The following MAST4 variants were observed in gnomAD, a reference collection of about 807,000 sequenced individuals.
MAST4 encodes microtubule-associated serine/threonine-protein kinase 4.
Under a neutral mutation model 162.7 loss-of-function variants are expected in MAST4, and 89 were observed. The ratio of observed to expected loss-of-function variants is 0.55; its 90% CI spans 0.46 to 0.65. The LOEUF (loss-of-function observed/expected upper bound fraction) is 0.65. Ranked by LOEUF, MAST4 falls within the 30% of genes least tolerant of loss-of-function variation. The pLI, the probability that MAST4 is intolerant of heterozygous loss-of-function variation, is 0.00. For missense variants in MAST4, 3,153 were observed against 3,374.0 expected (o/e 0.93, Z 1.62); for synonymous variants, 1,479 against 1,361.1 (o/e 1.09, Z -1.91).
At chr5:66,895,351 G>A (rs1186661312) in intron 3 of MAST4, among the ~76,000 whole-genome samples, 5 of 152,020 alleles carry the variant, frequency 3.3e-5, no homozygotes, top group Non-Finnish European at 7.4e-5. Flanking sequence ...CTTATCTCCT[G>A]TAAAGTCCCA....
chr5:66,599,358 G>C (rs1047388990), intron 1 of MAST4, among the ~76,000 whole-genome samples: 2 of 152,158 alleles, frequency 1.3e-5, no homozygotes, highest in African/African-American at 2.4e-5. Context: ...GGAATGCTGG[G>C]TGATAAACAC....
chr5:66,727,864 G>A lies in MAST4; in HGVS notation c.364-31845G>A, dbSNP rs11746510. On this transcript the variant is annotated intron_variant, in intron 1 of 28. Coordinates refer to ENST00000403625, the MANE Select transcript of MAST4 (RefSeq NM_001164664.2). ...CTACTTGGTGTTGCCTGTGGTCATG[G>A]GTCACTGTCAACTCCTTGTGACTCA... Among the ~76,000 whole-genome samples, 674 of 152,154 alleles carry A rather than the reference G, an allele frequency of 4.4e-3. 4 individuals carry two copies. Among genetic ancestry groups the A allele is most frequent in the Non-Finnish European group, 7.1e-3 (480 of 68,000 alleles).
chr5:67,079,973 G>T (rs932930677), intron 5 of MAST4, among the ~76,000 whole-genome samples: 1 of 152,196 alleles, frequency 6.6e-6, no homozygotes, highest in African/African-American at 2.4e-5. Context: ...GGGAAAAGTG[G>T]CAGTACTTTA....
chr5:66,811,904 A>G (rs1365963040), intron 3 of MAST4, among the ~76,000 whole-genome samples: 1 of 152,228 alleles, frequency 6.6e-6, no homozygotes, highest in Non-Finnish European at 1.5e-5. Context: ...GACTTTAGGA[A>G]TCAATACTGG....
intron 4 of MAST4, among the ~76,000 whole-genome samples, chr5:66,938,796 G>A (rs1279308037): frequency 6.6e-6 from 1 of 152,162 alleles, no homozygotes; most frequent in Non-Finnish European, 1.5e-5. Context: ...AAATGGTACA[G>A]TGATTTGTGG....
At chr5:67,005,115 G>A (rs766507931) in intron 4 of MAST4, 18 of 733,448 alleles carry the variant, frequency 2.5e-5, no homozygotes, top group East Asian at 5.1e-5. Flanking sequence ...TGCCTGGAGA[G>A]GGAATGCTTT....
chr5:66,664,609 A>G (rs1747131046), intron 1 of MAST4, among the ~76,000 whole-genome samples: 1 of 150,806 alleles, frequency 6.6e-6, no homozygotes, highest in Non-Finnish European at 1.5e-5. Context: ...TTATTAGCAT[A>G]AAGAAGTTAT....
intron 1 of MAST4, among the ~76,000 whole-genome samples, chr5:66,733,494 G>T (rs1269890871): frequency 2.6e-5 from 4 of 152,134 alleles, no homozygotes; most frequent in African/African-American, 9.7e-5. Context: ...TTAAGCGAGT[G>T]AGTCACCCAG....
At chr5:66,960,993 G>T (rs1745944794) in intron 4 of MAST4, among the ~76,000 whole-genome samples, 1 of 152,150 alleles carries the variant, frequency 6.6e-6, no homozygotes, top group Non-Finnish European at 1.5e-5. Flanking sequence ...AAATATTACT[G>T]TGCATTTAAA....
chr5:66,669,893 A>G (rs1285061718), intron 1 of MAST4, among the ~76,000 whole-genome samples: 1 of 152,218 alleles, frequency 6.6e-6, no homozygotes, highest in Admixed American at 6.5e-5. Flanking sequence ...TTGCCAGGAA[A>G]AAATGGGCAA....
At position 66,934,861 on chromosome 5, in the gene MAST4, G is replaced by A. The variant is rs1742560701; in HGVS notation, c.674+34879G>A. Among the ~76,000 whole-genome samples the A allele has an allele frequency of 2.0e-5, 3 of 152,186 alleles. No individual in the cohort carries two copies. The South Asian group carries it at 6.2e-4, about 32-fold the overall frequency. On this transcript the variant is annotated intron_variant, in intron 4 of 28. Transcript: ENST00000403625. ...ATGAGTAAAAAGGTCTCTGCCGTCAGTGGTAACATGGTACTCTTTACTGGG... is the reference window on the plus strand; with the variant it reads ...ATGAGTAAAAAGGTCTCTGCCGTCAATGGTAACATGGTACTCTTTACTGGG...
At chr5:66,859,141 A>G (rs963622935) in intron 3 of MAST4, among the ~76,000 whole-genome samples, 10 of 152,066 alleles carry the variant, frequency 6.6e-5, no homozygotes, top group Non-Finnish European at 1.0e-4. Context: ...TTTTTCTTCT[A>G]TTGCATTAGT....
intron 1 of MAST4, among the ~76,000 whole-genome samples, chr5:66,700,321 A>G (rs1447186278): frequency 6.6e-6 from 1 of 152,208 alleles, no homozygotes; most frequent in African/African-American, 2.4e-5. Context: ...GTAACCCCAT[A>G]CAAATTTTTG....
chr5:67,108,227 C>T (rs1330389782), intron 10 of MAST4, among the ~76,000 whole-genome samples: 2 of 152,146 alleles, frequency 1.3e-5, no homozygotes, highest in African/African-American at 4.8e-5. Context: ...TTTGAAGAGA[C>T]AATCCAAAAT....
intron 4 of MAST4, among the ~76,000 whole-genome samples, chr5:66,952,273 G>A (rs1177620367): frequency 1.3e-5 from 2 of 152,148 alleles, no homozygotes; most frequent in Non-Finnish European, 2.9e-5. Context: ...GTAGGCCAAA[G>A]TCATGTCTTA....
chr5:67,159,762 GAGAA>G (rs1414918356), intron 26 of MAST4, among the ~76,000 whole-genome samples: 1 of 152,174 alleles, frequency 6.6e-6, no homozygotes, highest in Non-Finnish European at 1.5e-5. Flanking sequence ...CCAGGATTGA[GAGAA>G]AGGACACCGA....
At chr5:66,896,360 G>T (rs1369704843) in intron 3 of MAST4, among the ~76,000 whole-genome samples, 3 of 152,174 alleles carry the variant, frequency 2.0e-5, no homozygotes, top group Non-Finnish European at 4.4e-5. Flanking sequence ...CACTGATGAT[G>T]TTAACCTTGA....
chr5:66,970,989 T>C (rs1298362766), intron 4 of MAST4, among the ~76,000 whole-genome samples: 1 of 152,196 alleles, frequency 6.6e-6, no homozygotes, highest in Non-Finnish European at 1.5e-5. Flanking sequence ...GATTATGCCC[T>C]CTTCCCAATG....
chr5:66,648,462 C>T (rs1412115611), intron 1 of MAST4, among the ~76,000 whole-genome samples: 1 of 152,010 alleles, frequency 6.6e-6, no homozygotes, highest in Non-Finnish European at 1.5e-5. Flanking sequence ...CTGGAACTGC[C>T]TTAGGTGTAT....
Sources: gnomAD v4.1 joint callset for allele counts (sites outside exome capture counted in the v4.1 genomes callset) on GRCh38, gnomAD v4.1.1 for gene constraint, MANE v1.5 for transcripts, NCBI Gene and HGNC (gene_info 2026-07-23, HGNC 2026-07-21) for gene names.